The following VPS41 variants were observed in gnomAD, a reference collection of about 807,000 sequenced individuals.
The protein encoded by VPS41 is vacuolar protein sorting-associated protein 41 homolog.
In VPS41, 85 loss-of-function variants were observed where a neutral mutation model predicts 130.9. The observed-to-expected ratio is 0.65, with a 90% CI of 0.55 to 0.78. VPS41 has a LOEUF of 0.78. Among genes scored for constraint, VPS41 ranks in the 30% least tolerant of loss-of-function variants. The pLI is 0.00. For synonymous variants in VPS41, 335 were observed against 332.9 expected (o/e 1.01, Z -0.07); for missense variants, 874 against 1,018.7 (o/e 0.86, Z 1.93).
At chr7:38,870,775 CAGAA>C (rs1224263441) in intron 2 of VPS41, among the ~76,000 whole-genome samples, 1 of 71,540 alleles carries the variant, frequency 1.4e-5, no homozygotes, top group East Asian at 4.3e-4. Flanking sequence ...CAGAAAAAGA[CAGAA>C]AGCTGATGAA....
chr7:38,866,819 G>A (rs961458650), intron 3 of VPS41, among the ~76,000 whole-genome samples: 2 of 151,924 alleles, frequency 1.3e-5, no homozygotes, highest in Non-Finnish European at 2.9e-5. Context: ...GAAACAGAAA[G>A]GAATGTCACA....
chr7:38,880,374 T>TC (rs368474036), intron 2 of VPS41, among the ~76,000 whole-genome samples: 1,593 of 152,344 alleles, frequency 0.01, 25 homozygotes, highest in African/African-American at 0.036. Context: ...AAATTTTTTT[T>TC]CACACACATT....
At chr7:38,796,943 A>G (rs1278893882) in intron 7 of VPS41, 79 bp from the exon 8 acceptor site, 3 of 1,549,034 alleles carry the variant, frequency 1.9e-6, no homozygotes, top group East Asian at 4.5e-5. Context: ...AGTTTTACCT[A>G]TCCTCGTGAC....
At chr7:38,808,584 G>C (rs1784881888) in intron 7 of VPS41, among the ~76,000 whole-genome samples, 1 of 152,130 alleles carries the variant, frequency 6.6e-6, no homozygotes, top group Non-Finnish European at 1.5e-5. Context: ...AATTAACTAG[G>C]GAGCCTTAAT....
chr7:38,743,007 C>T (rs917550029), intron 24 of VPS41, among the ~76,000 whole-genome samples: 1 of 152,040 alleles, frequency 6.6e-6, no homozygotes, highest in African/African-American at 2.4e-5. Context: ...AGAACAGTTA[C>T]ATGTTTCCAA....
rs367629676 is a variant in VPS41, at chr7:38,789,886, G to A, written c.718-19C>T. On this transcript the variant is annotated intron_variant, in intron 9 of 28. Coordinates refer to ENST00000310301, the MANE Select transcript of VPS41 (RefSeq NM_014396.4). Reference sequence around the variant, plus strand: ...AGCACACCTGGAAAATAAGTTCGCAGGTTATTTTATTCATTTGATGGAAAA... The same window carrying A: ...AGCACACCTGGAAAATAAGTTCGCAAGTTATTTTATTCATTTGATGGAAAA... The A allele has an allele frequency of 3.4e-5, 55 of 1,612,478 alleles. 1 individual carries two copies. The highest frequency in any genetic ancestry group is 3.3e-5 in the Admixed American group (2 of 59,920).
At chr7:38,889,862 C>T (rs1204169520) in intron 2 of VPS41, among the ~76,000 whole-genome samples, 1 of 152,038 alleles carries the variant, frequency 6.6e-6, no homozygotes, top group Non-Finnish European at 1.5e-5. Flanking sequence ...AATACAATAC[C>T]AACTGATGTG....
chr7:38,775,978 T>A (rs1784251892), intron 11 of VPS41, among the ~76,000 whole-genome samples: 1 of 152,154 alleles, frequency 6.6e-6, no homozygotes, highest in African/African-American at 2.4e-5. Flanking sequence ...GCCACCCCTA[T>A]TCTTGTGCTG....
At chr7:38,833,395 C>A (rs1282448610) in intron 4 of VPS41, among the ~76,000 whole-genome samples, 1 of 152,204 alleles carries the variant, frequency 6.6e-6, no homozygotes, top group Non-Finnish European at 1.5e-5. Context: ...TTACTACGAC[C>A]TGACAGTCCT....
chr7:38,758,167 A>G (rs1783840629), intron 18 of VPS41, among the ~76,000 whole-genome samples, 187 bp downstream of exon 18: 1 of 152,254 alleles, frequency 6.6e-6, no homozygotes. Context: ...ATTACATTGC[A>G]ATTGTACAGT....
At chr7:38,822,171 TAAC>T (rs939117602) in intron 5 of VPS41, among the ~76,000 whole-genome samples, 1 of 147,344 alleles carries the variant, frequency 6.8e-6, no homozygotes, top group East Asian at 2.1e-4. Context: ...GTGCTTTACT[TAAC>T]AACAACAAAA....
At chr7:38,811,598 C>T (rs1300525750) in intron 7 of VPS41, among the ~76,000 whole-genome samples, 2 of 31,154 alleles carry the variant, frequency 6.4e-5, no homozygotes, top group Admixed American at 1.1e-3. Context: ...TTTTGTCATA[C>T]ACACACACAC....
intron 2 of VPS41, among the ~76,000 whole-genome samples, chr7:38,874,174 A>G (rs372731296): frequency 6.6e-6 from 1 of 151,992 alleles, no homozygotes; most frequent in African/African-American, 2.4e-5. Flanking sequence ...TTTATATGGC[A>G]TCACTGTTAC....
intron 24 of VPS41, 129 bp from the exon 25 acceptor site, chr7:38,742,250 T>G: frequency 1.1e-6 from 1 of 881,056 alleles, no homozygotes; most frequent in Non-Finnish European, 1.7e-6. Flanking sequence ...TCCTTCAAAG[T>G]AAGTGTTAAA....
At chr7:38,746,256 TA>T (rs11359151) in intron 22 of VPS41, among the ~76,000 whole-genome samples, 130,588 of 146,068 alleles carry the variant, frequency 0.89, 58,362 homozygotes, top group East Asian at 0.99. Context: ...CCATTAGTCT[TA>T]AAAAAAAAAA....
chr7:38,738,289 C>T (rs576700169), intron 25 of VPS41, among the ~76,000 whole-genome samples: 1 of 152,306 alleles, frequency 6.6e-6, no homozygotes, highest in African/African-American at 2.4e-5. Context: ...TTAAAAAAGG[C>T]ATGAGATTTA....
intron 10 of VPS41, among the ~76,000 whole-genome samples, chr7:38,783,044 C>T (rs1218587192): frequency 3.3e-5 from 5 of 150,766 alleles, no homozygotes; most frequent in Admixed American, 6.6e-5. Context: ...CTTGAACCCG[C>T]GAGCACCCAG....
intron 1 of VPS41, among the ~76,000 whole-genome samples, chr7:38,907,198 T>C (rs1787287901): frequency 6.6e-6 from 1 of 151,958 alleles, no homozygotes; most frequent in African/African-American, 2.4e-5. Context: ...AAAAGAACAC[T>C]TGGACAAAGA....
chr7:38,821,107 A>G, intron 6 of VPS41, 96 bp downstream of exon 6: 1 of 911,206 alleles, frequency 1.1e-6, no homozygotes, highest in Non-Finnish European at 1.8e-6. Flanking sequence ...CTTACTGACA[A>G]AATTAATACA....
Sources: gnomAD v4.1 joint callset for allele counts (sites outside exome capture counted in the v4.1 genomes callset) on GRCh38, gnomAD v4.1.1 for gene constraint, MANE v1.5 for transcripts, NCBI Gene and HGNC (gene_info 2026-07-23, HGNC 2026-07-21) for gene names.